SMCHD1: variants seen among roughly 807,000 people sequenced by gnomAD.
The protein encoded by SMCHD1 is structural maintenance of chromosomes flexible hinge domain-containing protein 1.
SMCHD1 carries 78 observed loss-of-function variants against 254.7 expected under a neutral mutation model. That is an observed-to-expected ratio of 0.31 (90% confidence interval 0.26 to 0.37). The LOEUF (loss-of-function observed/expected upper bound fraction) is 0.37. Among genes scored for constraint, SMCHD1 ranks in the 10% least tolerant of loss-of-function variants. The pLI is 1.00. For missense variants in SMCHD1, 1,840 were observed against 2,408.1 expected (o/e 0.76, Z 4.94); for synonymous variants, 766 against 794.9 (o/e 0.96, Z 0.61).
chr18:2,763,862 T>C (rs929192442), intron 37 of SMCHD1, 73 bp downstream of exon 37: 2 of 1,369,458 alleles, frequency 1.5e-6, no homozygotes, highest in East Asian at 2.4e-5. Context: ...TAAGACACCT[T>C]TTCTTTTGTA....
intron 45 of SMCHD1, among the ~76,000 whole-genome samples, chr18:2,787,054 T>C (rs2076251717): frequency 6.6e-6 from 1 of 152,190 alleles, no homozygotes; most frequent in South Asian, 2.1e-4. Context: ...AGATACTTAA[T>C]TTGGCATACA....
In SMCHD1 at chr18:2,758,280, A is replaced by G. The variant is rs142098382; in HGVS notation, c.4347-2372A>G. Among the ~76,000 whole-genome samples the G allele has an allele frequency of 3.9e-5, 6 of 151,958 alleles. No individual in the cohort carries two copies. In the East Asian group the frequency reaches 1.2e-3, roughly 29 times the overall value. ...TTCTAATAGTCATTTTCTGGTAGTTATACAATCTTTCACTGTTCTCTAAGT... is the reference window on the plus strand; with the variant it reads ...TTCTAATAGTCATTTTCTGGTAGTTGTACAATCTTTCACTGTTCTCTAAGT... On this transcript the variant is annotated intron_variant, in intron 34 of 47. Transcript: ENST00000320876.
intron 34 of SMCHD1, among the ~76,000 whole-genome samples, chr18:2,753,553 G>C (rs1029171764): frequency 6.6e-6 from 1 of 152,162 alleles, no homozygotes; most frequent in African/African-American, 2.4e-5. Flanking sequence ...TGAGTAGCTT[G>C]AGGGTTTATT....
intron 22 of SMCHD1, 68 bp downstream of exon 22, chr18:2,726,592 GT>G: frequency 1.3e-6 from 1 of 782,768 alleles, no homozygotes; most frequent in Non-Finnish European, 1.9e-6. Flanking sequence ...ATGATATGAA[GT>G]TAGAGGTTTT....
At chr18:2,680,767 T>C (rs914412635) in intron 5 of SMCHD1, among the ~76,000 whole-genome samples, 1 of 152,212 alleles carries the variant, frequency 6.6e-6, no homozygotes, top group Non-Finnish European at 1.5e-5. Flanking sequence ...ATTCTTGTTT[T>C]CTCCAACTGT....
At chr18:2,740,582 C>T (rs989298809) in intron 27 of SMCHD1, 121 bp from the exon 28 acceptor site, 6 of 424,494 alleles carry the variant, frequency 1.4e-5, no homozygotes, top group African/African-American at 1.2e-4. Flanking sequence ...TATTTTTGTA[C>T]CAAAAATTAC....
rs534091480 is a variant in SMCHD1, at chr18:2,704,419, T to A, written c.1842+533T>A. 2.6e-5 allele frequency among the ~76,000 whole-genome samples: 4 copies of A among 152,280 alleles called. No homozygotes were observed. In the East Asian group the frequency reaches 7.7e-4, roughly 29 times the overall value. ...TTGAGCATCTGCTGACATAGTAAGT[T>A]ACTGCACCTTTTGACTGTGTGGTGG... On this transcript the variant is annotated intron_variant, in intron 13 of 47. Coordinates refer to ENST00000320876, the MANE Select transcript of SMCHD1 (RefSeq NM_015295.3).
rs977759429 is a variant in SMCHD1, at chr18:2,803,746, A to C, written c.*1194A>C. The C allele has an allele frequency of 9.2e-5, 14 of 152,202 alleles. No individual in the cohort carries two copies. The highest frequency in any genetic ancestry group is 3.4e-4 in the African/African-American group (14 of 41,452). 9.4% of individuals were successfully genotyped at this position (152,202 alleles called of 1,614,324 possible). On this transcript the variant is annotated 3_prime_UTR_variant, in exon 48 of 48. Coordinates refer to ENST00000320876, the MANE Select transcript of SMCHD1 (RefSeq NM_015295.3). Reference sequence around the variant, plus strand: ...ACTGTTTGTTGTTACAGAAGAAACAAAATGGTAATTACAGAATTAGCTGTG... The same window carrying C: ...ACTGTTTGTTGTTACAGAAGAAACACAATGGTAATTACAGAATTAGCTGTG...
At chr18:2,677,217 G>A (rs945251061) in intron 5 of SMCHD1, among the ~76,000 whole-genome samples, 14 of 151,992 alleles carry the variant, frequency 9.2e-5, no homozygotes, top group Admixed American at 7.9e-4. Flanking sequence ...AGGTTTTACC[G>A]TTGATAGTTG....
intron 47 of SMCHD1, among the ~76,000 whole-genome samples, chr18:2,798,200 C>T (rs1400409168): frequency 6.6e-6 from 1 of 152,044 alleles, no homozygotes; most frequent in African/African-American, 2.4e-5. Context: ...GACATAGAGG[C>T]AGAGGCCAGA....
Position 2,796,103 on chromosome 18 carries a change from A to C in SMCHD1, c.5874A>C (p.Lys1958Asn). The part of the protein sequence containing the change: ...HEKNLKLIEE[K>N]LGMTPIRKCN... ...AAAATCTCAAACTAATAGAGGAAAA[A>C]CTAGGTAAGTCTTTGCTTTTTGTTA... The change falls in exon 46 of 48, where the codon AAA (lysine) becomes AAC (asparagine). Residue 1958 changes from lysine to asparagine, a missense_variant. This residue lies in a region of SMCHD1 where 132 missense variants were observed against 138.2 expected (regional missense o/e 0.95). Transcript: ENST00000320876. 1 of 1,549,178 alleles carries C rather than the reference A, an allele frequency of 6.5e-7. No homozygotes were observed. The highest frequency in any genetic ancestry group is 8.7e-7 in the Non-Finnish European group (1 of 1,149,872).
At chr18:2,717,846 G>A (rs118093650) in intron 17 of SMCHD1, among the ~76,000 whole-genome samples, 1 of 152,106 alleles carries the variant, frequency 6.6e-6, no homozygotes, top group East Asian at 1.9e-4. Flanking sequence ...TAATTCTAGA[G>A]TGGGCAATAA....
Position 2,724,979 on chromosome 18 carries a change from A to T in SMCHD1, c.2684A>T (p.Asn895Ile). The T allele has an allele frequency of 6.3e-7, 1 of 1,580,410 alleles. No homozygotes were observed. The highest frequency in any genetic ancestry group is 8.6e-7 in the Non-Finnish European group (1 of 1,158,904). ...GGTGTTACAGCCAAGGGCCCTGTAA[A>T]CTCTTGTCAAGGCAAGGTAAGCATT... ...IRGVTAKGPV[N>I]SCQGKNYNLK... The change falls in exon 21 of 48, where the codon AAC becomes ATC. Residue 895 changes from asparagine (N) to isoleucine (I), a missense_variant. Asn to Ile is a moderately radical substitution (Grantham distance 149). Around this residue, in one of 9 missense-constraint regions of SMCHD1, gnomAD observed 881 missense variants for 1,009.5 expected, o/e 0.87. Transcript: ENST00000320876.
intron 5 of SMCHD1, among the ~76,000 whole-genome samples, chr18:2,680,141 AAT>A (rs1391993797): frequency 2.0e-5 from 3 of 152,104 alleles, no homozygotes; most frequent in Admixed American, 1.3e-4. Flanking sequence ...CTGTTCTTTG[AAT>A]ATATTTAAAA....
chr18:2,765,683 C>T (rs928687382), intron 37 of SMCHD1, among the ~76,000 whole-genome samples: 7 of 152,196 alleles, frequency 4.6e-5, no homozygotes, highest in Admixed American at 3.9e-4. Flanking sequence ...AGTGACTGCT[C>T]CTGTCAGTGT....
rs1435128056 is a variant in SMCHD1 at position 2,707,563 on chromosome 18, G to T, written c.2064G>T (p.Arg688Ser). ...CATTAATATGCTGGTTTCATAACAG[G>T]CTCCCTGATAGATTGTCAGTAACTT... ...VKKYVEDEMA[R>S]LPDRLSVTWP... Residue 688 changes from arginine (R) to serine (S), a missense_variant and splice_region_variant, in exon 16 of 48, where the codon AGG becomes AGT. This residue lies in a region of SMCHD1 where 498 missense variants were observed against 743.5 expected (regional missense o/e 0.67). Transcript: ENST00000320876. 1 of 1,589,704 alleles carries T rather than the reference G, an allele frequency of 6.3e-7. No homozygotes were observed. Among genetic ancestry groups the T allele is most frequent in the Non-Finnish European group, 8.6e-7 (1 of 1,166,768 alleles).
rs2075089021 is a variant in SMCHD1 at position 2,729,283 on chromosome 18, T to G, written c.2922T>G (p.Gly974=). The G allele has an allele frequency of 6.8e-7, 1 of 1,480,432 alleles. No individual in the cohort carries two copies. Among genetic ancestry groups the G allele is most frequent in the African/African-American group, 1.4e-5 (1 of 70,008 alleles). 91.7% of individuals were successfully genotyped at this position (1,480,432 alleles called of 1,614,324 possible). The stretch of plus-strand genomic sequence containing the variant: ...TTTCATCTTTCAAATAGTTTTCAGG[T>G]GCTCCAAACCTTCCAGTCTATGTTG... ...PKLIVHCKFS[G]APNLPVYVVD... Residue 974 remains glycine (G), a synonymous_variant, in exon 24 of 48, where the codon GGT becomes GGG. Transcript: ENST00000320876.
At chr18:2,673,525 A>G (rs1382600652) in intron 4 of SMCHD1, among the ~76,000 whole-genome samples, 162 bp downstream of exon 4, 1 of 152,146 alleles carries the variant, frequency 6.6e-6, no homozygotes, top group Non-Finnish European at 1.5e-5. Context: ...TTTCCTATGC[A>G]TATATGTATA....
chr18:2,694,805 T>G, intron 8 of SMCHD1, 112 bp downstream of exon 8: 1 of 865,592 alleles, frequency 1.2e-6, no homozygotes, highest in South Asian at 1.6e-5. Context: ...TGTCTCATTT[T>G]CTTCCCTTTA....
Sources: gnomAD v4.1 joint callset for allele counts (sites outside exome capture counted in the v4.1 genomes callset) on GRCh38, gnomAD v4.1.1 for gene constraint, gnomAD v4.1.1 regional missense constraint, MANE v1.5 for transcripts, NCBI Gene and HGNC (gene_info 2026-07-23, HGNC 2026-07-21) for gene names.